The following IFT122 variants were observed in gnomAD, a reference collection of about 807,000 sequenced individuals.
IFT122 encodes the protein intraflagellar transport 122.
Under a neutral mutation model 161.6 loss-of-function variants are expected in IFT122, and 118 were observed. The ratio of observed to expected loss-of-function variants is 0.73; its 90% CI spans 0.63 to 0.85. The LOEUF (loss-of-function observed/expected upper bound fraction) is 0.85. IFT122 is among the 40% of genes least tolerant of loss of function. IFT122 has a pLI of 0.00. For missense variants in IFT122, 1,381 were observed against 1,579.6 expected, an observed-to-expected ratio of 0.87 and a Z score of 2.13; for synonymous variants, 550 against 602.4, an observed-to-expected ratio of 0.91 and a Z score of 1.27.
intron 9 of IFT122, among the ~76,000 whole-genome samples, chr3:129,473,524 T>C (rs2077585378): frequency 6.6e-6 from 1 of 152,234 alleles, no homozygotes; most frequent in African/African-American, 2.4e-5. Context: ...CAGTTTACTT[T>C]GCTGGGCTCA....
At chr3:129,454,749 G>A (rs1477169878) in intron 3 of IFT122, among the ~76,000 whole-genome samples, 1 of 152,086 alleles carries the variant, frequency 6.6e-6, no homozygotes, top group Non-Finnish European at 1.5e-5. Context: ...AAGCATAGCA[G>A]GGCTCTTTGA....
At chr3:129,469,608 G>T (rs1417381937) in intron 9 of IFT122, among the ~76,000 whole-genome samples, 191 bp downstream of exon 9, 1 of 152,116 alleles carries the variant, frequency 6.6e-6, no homozygotes, top group Non-Finnish European at 1.5e-5. Flanking sequence ...CAATGAAGTG[G>T]GTACTACTTT....
rs1160568111 is a variant in IFT122 at position 129,500,088 on chromosome 3, C to T, written c.2375+20C>T. Reference sequence around the variant, plus strand: ...TGACATGTAGGTTTTGGTCCCTGCCCCGAGAAGCATTTGGCAGCATGTCAT... The same window carrying T: ...TGACATGTAGGTTTTGGTCCCTGCCTCGAGAAGCATTTGGCAGCATGTCAT... On this transcript the variant is annotated intron_variant, in intron 19 of 29. Coordinates refer to ENST00000348417, the MANE Select transcript of IFT122 (RefSeq NM_052989.3). The T allele has an allele frequency of 3.1e-6, 5 of 1,613,824 alleles. No individual in the cohort carries two copies. Among genetic ancestry groups the T allele is most frequent in the Admixed American group, 1.7e-5 (1 of 59,992 alleles).
rs748815145 is a variant in IFT122 at position 129,520,226 on chromosome 3, C to T, written c.3687C>T (p.Cys1229=). The T allele has an allele frequency of 1.4e-5, 22 of 1,611,582 alleles. No homozygotes were observed. The East Asian group carries it at 3.3e-4, about 24-fold the overall frequency. Residue 1229 remains cysteine, a synonymous_variant, in exon 30 of 30, where the codon TGC becomes TGT. Transcript: ENST00000348417. ...YELLVLQHGC[C]PYCRRCKDDP... Reference sequence around the variant, plus strand: ...TGCTGGTGCTTCAGCATGGCTGCTGCCCCTACTGCCGCAGGTGCAAGGATG... The same window carrying T: ...TGCTGGTGCTTCAGCATGGCTGCTGTCCCTACTGCCGCAGGTGCAAGGATG...
chr3:129,471,163 G>A (rs2077333555), intron 9 of IFT122, among the ~76,000 whole-genome samples: 1 of 152,194 alleles, frequency 6.6e-6, no homozygotes, highest in Admixed American at 6.5e-5. Flanking sequence ...TAATTGCGTA[G>A]CATCCTTATT....
At chr3:129,469,497 A>G in intron 9 of IFT122, 80 bp downstream of exon 9, 3 of 1,112,454 alleles carry the variant, frequency 2.7e-6, no homozygotes, top group Non-Finnish European at 4.1e-6. Flanking sequence ...TATTAATTAT[A>G]CATTATCATT....
intron 29 of IFT122, 132 bp downstream of exon 29, chr3:129,519,864 C>A: frequency 9.2e-7 from 1 of 1,082,756 alleles, no homozygotes. Flanking sequence ...AGAGGCTTGT[C>A]TGTCCTCTCC....
At chr3:129,482,740 T>C (rs1377194960) in intron 14 of IFT122, among the ~76,000 whole-genome samples, 2 of 152,354 alleles carry the variant, frequency 1.3e-5, no homozygotes, top group Middle Eastern at 3.4e-3. Flanking sequence ...CTTAAGTTAG[T>C]GAGCCTCTCT....
At chr3:129,456,476 A>C (rs2075506437) in intron 3 of IFT122, among the ~76,000 whole-genome samples, 1 of 151,066 alleles carries the variant, frequency 6.6e-6, no homozygotes, top group Non-Finnish European at 1.5e-5. Context: ...GTCTGTACTA[A>C]ATATATAAAA....
chr3:129,519,468 CCT>C lies in IFT122; in HGVS notation c.3472-94_3472-93del, dbSNP rs1190314968. 15 of 1,496,428 alleles carry C rather than the reference CCT, an allele frequency of 1.0e-5. No individual in the cohort carries two copies. The African/African-American group carries it at 1.7e-4, about 17-fold the overall frequency. 92.7% of individuals were successfully genotyped at this position (1,496,428 alleles called of 1,614,324 possible). On this transcript the variant is annotated intron_variant, in intron 28 of 29. Transcript: ENST00000348417. ...GGTCACCTGGGTTTAGGAAGCAGGT[CCT>C]CTCTCACCACTGCCAAAGATTCCAG... is the stretch of plus-strand genomic sequence containing the variant.
intron 11 of IFT122, 116 bp downstream of exon 11, chr3:129,476,917 G>T: frequency 3.4e-6 from 4 of 1,171,356 alleles, no homozygotes; most frequent in South Asian, 1.3e-5. Flanking sequence ...TTGCAAACCT[G>T]TTAGCCACTG....
intron 17 of IFT122, among the ~76,000 whole-genome samples, chr3:129,493,968 G>A (rs1366303862): frequency 6.6e-6 from 1 of 152,170 alleles, no homozygotes; most frequent in African/African-American, 2.4e-5. Context: ...TATATCGACT[G>A]CCTGCAGACT....
In IFT122 at chr3:129,490,113, T is replaced by C. The variant is rs139753511; in HGVS notation, c.1992+1716T>C. On this transcript the variant is annotated intron_variant, in intron 16 of 29. Coordinates refer to ENST00000348417, the MANE Select transcript of IFT122 (RefSeq NM_052989.3). ...CCTGGGCTCAAGCAGTCTTCTTGCC[T>C]CAGCCTCCCAAAGTGCTGGGATTAC... 1.7e-4 allele frequency among the ~76,000 whole-genome samples: 26 copies of C among 152,298 alleles called. No individual in the cohort carries two copies. In the East Asian group the frequency reaches 5.0e-3, roughly 29 times the overall value.
rs142239831 is a variant in IFT122 at position 129,494,428 on chromosome 3, G to A, written c.2047-1018G>A. ...AGTTTGTTTGATGAGCCTGAGCTGT[G>A]TGCAGGTTTTTAGAATGATAATTTC... On this transcript the variant is annotated intron_variant, in intron 17 of 29. Transcript: ENST00000348417. 1.3e-3 allele frequency among the ~76,000 whole-genome samples: 201 copies of A among 152,220 alleles called. 1 individual carries two copies. Among genetic ancestry groups the A allele is most frequent in the African/African-American group, 4.7e-3 (195 of 41,536 alleles).
At chr3:129,479,036 A>G (rs1425284566) in intron 12 of IFT122, among the ~76,000 whole-genome samples, 2 of 152,138 alleles carry the variant, frequency 1.3e-5, no homozygotes, top group Non-Finnish European at 2.9e-5. Flanking sequence ...GTAGAGGTGG[A>G]TTTAGTTTTA....
chr3:129,500,000 G>A lies in IFT122; in HGVS notation c.2307G>A (p.Glu769=). 1 of 1,614,248 alleles carries A rather than the reference G, an allele frequency of 6.2e-7. No individual in the cohort carries two copies. The highest frequency in any genetic ancestry group is 1.1e-5 in the South Asian group (1 of 91,088). Residue 769 remains glutamate (E), a synonymous_variant, in exon 19 of 30, where the codon GAG becomes GAA. Transcript: ENST00000348417. ...RNIKEPKAAV[E]MYISAGEHVK... is the part of the protein sequence containing the mutation. ...TCAAGGAGCCCAAAGCCGCCGTGGAGATGTACATCTCAGCAGGAGAGCACG... is the reference window on the plus strand; with the variant it reads ...TCAAGGAGCCCAAAGCCGCCGTGGAAATGTACATCTCAGCAGGAGAGCACG...
At position 129,514,431 on chromosome 3, in the gene IFT122, T is replaced by C; in HGVS notation, c.3030T>C (p.Gly1010=). 6.2e-7 allele frequency: 1 copy of C among 1,614,196 alleles called. No homozygotes were observed. Among genetic ancestry groups the C allele is most frequent in the Non-Finnish European group, 8.5e-7 (1 of 1,180,028 alleles). ...TGGCCAAGCAGAGCAAGGCCCTCGG[T>C]GCCTACAGGCTGGCCCGGCACGCCT... is the stretch of plus-strand genomic sequence containing the variant. ...FTLAKQSKAL[G]AYRLARHAYD... Residue 1010 remains glycine (G), a synonymous_variant, in exon 25 of 30, where the codon GGT becomes GGC. Coordinates refer to ENST00000348417, the MANE Select transcript of IFT122 (RefSeq NM_052989.3).
chr3:129,473,997 C>T (rs758065976), intron 9 of IFT122, among the ~76,000 whole-genome samples: 1 of 152,116 alleles, frequency 6.6e-6, no homozygotes, highest in Non-Finnish European at 1.5e-5. Context: ...CCTTCCATGT[C>T]GTGATTCATA....
intron 20 of IFT122, 58 bp downstream of exon 20, chr3:129,502,940 G>GGGT: frequency 6.4e-7 from 1 of 1,568,618 alleles, no homozygotes; most frequent in Non-Finnish European, 8.7e-7. Flanking sequence ...GGACACAGGC[G>GGGT]GGTGGGTACA....
Sources: gnomAD v4.1 joint callset for allele counts (sites outside exome capture counted in the v4.1 genomes callset) on GRCh38, gnomAD v4.1.1 for gene constraint, MANE v1.5 for transcripts, NCBI Gene and HGNC (gene_info 2026-07-23, HGNC 2026-07-21) for gene names.